The following USP42 variants were observed in gnomAD, a reference collection of about 807,000 sequenced individuals.
The protein encoded by USP42 is ubiquitin carboxyl-terminal hydrolase 42.
In USP42, 23 loss-of-function variants were observed where a neutral mutation model predicts 113.0. The ratio of observed to expected loss-of-function variants is 0.20; its 90% CI spans 0.15 to 0.29. The LOEUF (loss-of-function observed/expected upper bound fraction) is 0.29. Ranked by LOEUF, USP42 falls within the 10% of genes least tolerant of loss-of-function variation. The pLI, the probability that USP42 is intolerant of heterozygous loss-of-function variation, is 1.00. For missense variants in USP42, 2,174 were observed against 1,779.8 expected (o/e 1.22, Z -3.99); for synonymous variants, 933 against 699.0 (o/e 1.33, Z -5.28).
At chr7:6,090,314 A>G in the USP42 span, among the ~76,000 whole-genome samples, 1 of 139,108 alleles carries the variant, frequency 7.2e-6, no homozygotes, top group Non-Finnish European at 1.6e-5. Flanking sequence ...AAAAAAAAAA[A>G]GAAATATATA....
At chr7:6,089,698 A>G in the USP42 span, among the ~76,000 whole-genome samples, 2 of 149,148 alleles carry the variant, frequency 1.3e-5, no homozygotes, top group Non-Finnish European at 3.0e-5. Context: ...ACGCCTGGCT[A>G]ATTTTTTTGT....
At chr7:6,118,217 G>C (rs1002314003) in intron 3 of USP42, among the ~76,000 whole-genome samples, 1 of 152,016 alleles carries the variant, frequency 6.6e-6, no homozygotes, top group African/African-American at 2.4e-5. Context: ...AACGTAGGGA[G>C]AACTCATCTC....
chr7:6,093,674 C>A, the USP42 span, among the ~76,000 whole-genome samples: 25 of 126,480 alleles, frequency 2.0e-4, no homozygotes, highest in Middle Eastern at 0.032. Flanking sequence ...CTCTTTTTTT[C>A]TCTTCCTCTC....
Position 6,159,464 on chromosome 7 carries a change from A to G in USP42, c.*7A>G, listed in dbSNP as rs754526590. 8.7e-6 allele frequency: 14 copies of G among 1,613,850 alleles called. No individual in the cohort carries two copies. The highest frequency in any genetic ancestry group is 5.9e-6 in the Non-Finnish European group (7 of 1,179,878). On this transcript the variant is annotated 3_prime_UTR_variant, in exon 17 of 18. Transcript: ENST00000306177. The surrounding 1 kb of genome is among the most constrained non-coding windows in gnomAD (Gnocchi z 4.1). ...TTGCTTTCTAGGTGATTGAAAACTCAGCCTCAAAACAAAAAATTCACTAGT... is the reference window on the plus strand; with the variant it reads ...TTGCTTTCTAGGTGATTGAAAACTCGGCCTCAAAACAAAAAATTCACTAGT...
chr7:6,153,607 C>T, intron 14 of USP42, 149 bp from the exon 15 acceptor site: 3 of 1,052,700 alleles, frequency 2.8e-6, no homozygotes, highest in Non-Finnish European at 2.6e-6. Context: ...ACATTGTGCA[C>T]ATGTAGCCTG....
intron 15 of USP42, among the ~76,000 whole-genome samples, chr7:6,155,856 A>G (rs1195694538): frequency 6.6e-6 from 1 of 152,106 alleles, no homozygotes; most frequent in Non-Finnish European, 1.5e-5. Context: ...GGCTCAAATG[A>G]TATTTCTGCT....
rs188668308 is a variant in USP42, at chr7:6,156,074, G to T, written c.3642-680G>T. 1.9e-3 allele frequency among the ~76,000 whole-genome samples: 297 copies of T among 152,312 alleles called. 1 individual carries two copies. Among genetic ancestry groups the T allele is most frequent in the African/African-American group, 6.4e-3 (267 of 41,558 alleles). The stretch of plus-strand genomic sequence containing the variant: ...TATTTTTAAAAAGCTAAATTGGTTG[G>T]TGATTGTCTTGAAAATGACGTATCC... On this transcript the variant is annotated intron_variant, in intron 15 of 17. Coordinates refer to ENST00000306177, the MANE Select transcript of USP42 (RefSeq NM_032172.3).
At chr7:6,120,530 A>G (rs1355052861) in intron 3 of USP42, among the ~76,000 whole-genome samples, 1 of 152,012 alleles carries the variant, frequency 6.6e-6, no homozygotes, top group Non-Finnish European at 1.5e-5. Context: ...GGCATGAGAC[A>G]CTGTGCCCAG....
At chr7:6,130,574 C>T (rs199890050) in intron 3 of USP42, among the ~76,000 whole-genome samples, 1 of 152,144 alleles carries the variant, frequency 6.6e-6, no homozygotes, top group East Asian at 1.9e-4. Flanking sequence ...TTGCAAGTCC[C>T]AGCTCCTAGT....
the USP42 span, among the ~76,000 whole-genome samples, chr7:6,086,046 CT>C: frequency 4.2e-5 from 6 of 144,576 alleles, no homozygotes; most frequent in African/African-American, 1.6e-4. Context: ...TTTTTTTTTT[CT>C]TTTTTTTTGA....
intron 4 of USP42, among the ~76,000 whole-genome samples, chr7:6,136,692 A>T (rs1054992638): frequency 2.0e-5 from 3 of 152,250 alleles, no homozygotes; most frequent in African/African-American, 4.8e-5. Flanking sequence ...GAAATTGTCA[A>T]AATAAAGTTA....
intron 3 of USP42, among the ~76,000 whole-genome samples, chr7:6,117,243 C>T (rs1779961415): frequency 6.6e-6 from 1 of 152,102 alleles, no homozygotes; most frequent in African/African-American, 2.4e-5. Flanking sequence ...TGCTTTCCGT[C>T]ACTATAGATG....
chr7:6,143,610 C>T (rs147417677), intron 8 of USP42, among the ~76,000 whole-genome samples: 11 of 152,106 alleles, frequency 7.2e-5, no homozygotes, highest in Middle Eastern at 3.4e-3. Context: ...ATCTTCAAGA[C>T]CAGAGGGATT....
At chr7:6,125,477 C>A (rs1376495414) in intron 3 of USP42, among the ~76,000 whole-genome samples, 1 of 152,064 alleles carries the variant, frequency 6.6e-6, no homozygotes, top group African/African-American at 2.4e-5. Flanking sequence ...GCAACAAGAG[C>A]GAAACTCTGT....
chr7:6,081,587 C>T, the USP42 span: 2 of 151,988 alleles, frequency 1.3e-5, no homozygotes, highest in Non-Finnish European at 2.9e-5. Flanking sequence ...AGACCCCGCC[C>T]CTTCTCCTTT....
Position 6,149,944 on chromosome 7 carries a change from C to T in USP42, c.1748C>T (p.Pro583Leu), listed in dbSNP as rs775262947. Residue 583 changes from proline (P) to leucine (L), a missense_variant, in exon 13 of 18, where the codon CCC (proline) becomes CTC (leucine). By Grantham distance (98) the Pro-to-Leu change is moderately conservative. Transcript: ENST00000306177. ...TCTAGTAAAGTAACAAAACCGATCC[C>T]CCGCAGTGAATCCTGCTCCCAGCCC... ...SVSSKVTKPI[P>L]RSESCSQPVM... The T allele has an allele frequency of 4.3e-6, 7 of 1,614,026 alleles. No individual in the cohort carries two copies. Among genetic ancestry groups the T allele is most frequent in the Non-Finnish European group, 5.9e-6 (7 of 1,179,902 alleles).
chr7:6,122,321 T>G (rs1297267808), intron 3 of USP42, among the ~76,000 whole-genome samples: 1 of 151,464 alleles, frequency 6.6e-6, no homozygotes, highest in African/African-American at 2.4e-5. Flanking sequence ...TCACTCACTC[T>G]GTTGCCTAGG....
At chr7:6,118,483 C>T (rs952749267) in intron 3 of USP42, among the ~76,000 whole-genome samples, 1 of 151,682 alleles carries the variant, frequency 6.6e-6, no homozygotes, top group Admixed American at 6.6e-5. Context: ...GATTGTGCCA[C>T]TTTATTCCAG....
intron 3 of USP42, among the ~76,000 whole-genome samples, chr7:6,133,882 TTTC>T (rs1193282009): frequency 6.8e-5 from 10 of 147,482 alleles, no homozygotes; most frequent in East Asian, 6.1e-4. Flanking sequence ...TATTTCCATG[TTTC>T]TTCTTCTTTT....
Sources: allele counts gnomAD v4.1 joint callset (sites outside exome capture counted in the v4.1 genomes callset), GRCh38; gene constraint gnomAD v4.1.1; non-coding constraint Gnocchi (gnomAD v3.1); transcripts MANE v1.5; gene names NCBI Gene and HGNC (gene_info 2026-07-23, HGNC 2026-07-21).